ACIN1: variants seen among roughly 807,000 people sequenced by gnomAD.
The protein encoded by ACIN1 is apoptotic chromatin condensation inducer in the nucleus.
A neutral mutation model predicts 146.6 loss-of-function variants in ACIN1; 16 were observed. That is an observed-to-expected ratio of 0.11 (90% CI 0.07 to 0.17). The LOEUF (loss-of-function observed/expected upper bound fraction) is 0.17. Among genes scored for constraint, ACIN1 ranks in the 10% least tolerant of loss-of-function variants. The pLI, the probability that ACIN1 is intolerant of heterozygous loss-of-function variation, is 1.00. For synonymous variants in ACIN1, 569 were observed against 582.7 expected, an observed-to-expected ratio of 0.98 and a Z score of 0.34; for missense variants, 1,357 against 1,609.3, an observed-to-expected ratio of 0.84 and a Z score of 2.68.
intron 4 of ACIN1, among the ~76,000 whole-genome samples, chr14:23,085,240 C>A (rs2048059228): frequency 6.6e-6 from 1 of 152,056 alleles, no homozygotes; most frequent in Admixed American, 6.5e-5. Context: ...GATGCTGAGG[C>A]AGGAGAACGG....
Position 23,059,033 on chromosome 14 carries a change from A to G in ACIN1, c.*115T>C. On this transcript the variant is annotated 3_prime_UTR_variant, in exon 19 of 19. Coordinates refer to ENST00000605057, the MANE Select transcript of ACIN1 (RefSeq NM_001386863.1). ...TTTTCCATTTGGTATGTATGTAGGG[A>G]TAGGTGATGTGAAAGACCCTTGGCT... 1.1e-6 allele frequency: 1 copy of G among 941,226 alleles called. No homozygotes were observed. Among genetic ancestry groups the G allele is most frequent in the Non-Finnish European group, 1.6e-6 (1 of 610,886 alleles). The allele number at this position is 941,226 out of a possible 1,614,324, so 58.3% of individuals were successfully genotyped here.
intron 4 of ACIN1, among the ~76,000 whole-genome samples, chr14:23,085,242 G>GGA (rs2048059463): frequency 2.0e-5 from 3 of 152,166 alleles, no homozygotes; most frequent in Non-Finnish European, 2.9e-5. Flanking sequence ...TGCTGAGGCA[G>GGA]GAGAACGGCG....
At chr14:23,084,777 C>A (rs1187135352) in intron 4 of ACIN1, among the ~76,000 whole-genome samples, 2 of 152,052 alleles carry the variant, frequency 1.3e-5, no homozygotes, top group African/African-American at 4.8e-5. Context: ...TATGGTTGTT[C>A]ATACAGGATA....
chr14:23,071,560 C>T, intron 8 of ACIN1: 1 of 1,548,604 alleles, frequency 6.5e-7, no homozygotes, highest in Non-Finnish European at 8.7e-7. Context: ...AGCCATCTTG[C>T]CACTTACCCA....
In ACIN1 at chr14:23,068,897, T is replaced by G; in HGVS notation, c.2265+579A>C. On this transcript the variant is annotated intron_variant, in intron 9 of 18. Coordinates refer to ENST00000605057, the MANE Select transcript of ACIN1 (RefSeq NM_001386863.1). This position sits in a 1 kb window ranked among gnomAD's most constrained non-coding sequence, Gnocchi z 4.3. ...CTCTGATGGGGGAAGCCCCCTGAAG[T>G]GGGTGCAGGACACAAGATAACATAT... 1.0e-6 allele frequency: 1 copy of G among 985,346 alleles called. No individual in the cohort carries two copies. The highest frequency in any genetic ancestry group is 1.2e-6 in the Non-Finnish European group (1 of 829,930). 61.0% of individuals were successfully genotyped at this position (985,346 alleles called of 1,614,324 possible).
rs1014831235 is a variant in ACIN1, at chr14:23,061,003, T to G, written c.3525+81A>C. 12 of 1,348,600 alleles carry G rather than the reference T, an allele frequency of 8.9e-6. No individual in the cohort carries two copies. In the Admixed American group the frequency reaches 2.1e-4, roughly 23 times the overall value. 83.5% of individuals were successfully genotyped at this position (1,348,600 alleles called of 1,614,324 possible). A position where few individuals can be genotyped will look rare whatever the true frequency, so the allele number is the denominator to read the frequency against. ...AGGAAGTACTTGGGCCGACTCACTCTCGCAGTCACATGAATCTCCCCTCAC... is the reference window on the plus strand; with the variant it reads ...AGGAAGTACTTGGGCCGACTCACTCGCGCAGTCACATGAATCTCCCCTCAC... On this transcript the variant is annotated intron_variant, in intron 18 of 18. Transcript: ENST00000605057.
upstream of ACIN1, chr14:23,095,152 C>A (rs1438108185): frequency 7.4e-6 from 12 of 1,614,252 alleles, no homozygotes; most frequent in Non-Finnish European, 1.0e-5. Context: ...CGGCTTCGGG[C>A]ATCTTCGGTA....
chr14:23,078,163 A>G lies in ACIN1; in HGVS notation c.2111T>C (p.Ile704Thr). Residue 704 changes from isoleucine to threonine, a missense_variant, in exon 8 of 19, where the codon ATT becomes ACT. Ile to Thr is a moderately conservative substitution (Grantham distance 89). This residue lies in a region of ACIN1 where 771 missense variants were observed against 746.6 expected (regional missense o/e 1.03). Transcript: ENST00000605057. ...QTSHLPESER[I>T]HHTVEEKEEV... ...ATATATCACTTACACAGTGTGATGA[A>G]TTCTTTCTGATTCTGGCAGATGAGA... The G allele has an allele frequency of 6.2e-7, 1 of 1,614,142 alleles. No individual in the cohort carries two copies. The highest frequency in any genetic ancestry group is 8.5e-7 in the Non-Finnish European group (1 of 1,179,990).
chr14:23,078,360 C>A, intron 7 of ACIN1, 94 bp from the exon 8 acceptor site: 2 of 998,764 alleles, frequency 2.0e-6, no homozygotes, highest in Non-Finnish European at 3.1e-6. Flanking sequence ...CAGGGCAGGA[C>A]ATACACAGTA....
chr14:23,061,971 C>CAAAAAAAAAAAAAAAAAAA (rs57962360), intron 16 of ACIN1, among the ~76,000 whole-genome samples, 197 bp downstream of exon 16: 6 of 59,130 alleles, frequency 1.0e-4, no homozygotes, highest in African/African-American at 4.4e-4. Flanking sequence ...GACTCTGTCT[C>CAAAAAAAAAAAAAAAAAAA]AAAAAAAAAA....
At position 23,068,338 on chromosome 14, in the gene ACIN1, G is replaced by A. The variant is rs887294596; in HGVS notation, c.2265+1138C>T. ...AAAGGGCAAGGGCATGTGGGCAGGC[G>A]CCCCAGCACTGGCACAAGCTCTTCT... On this transcript the variant is annotated intron_variant, in intron 9 of 18. Transcript: ENST00000605057. This position sits in a 1 kb window ranked among gnomAD's most constrained non-coding sequence, Gnocchi z 4.3. The A allele has an allele frequency of 2.0e-5, 20 of 985,948 alleles. No individual in the cohort carries two copies. The South Asian group carries it at 2.8e-4, about 14-fold the overall frequency. The allele number at this position is 985,948 out of a possible 1,614,324, so 61.1% of individuals were successfully genotyped here. A position where few individuals can be genotyped will look rare whatever the true frequency, so the allele number is the denominator to read the frequency against.
chr14:23,088,229 T>G (rs2048136927), intron 4 of ACIN1, among the ~76,000 whole-genome samples: 1 of 152,134 alleles, frequency 6.6e-6, no homozygotes, highest in Non-Finnish European at 1.5e-5. Context: ...GGCTTTAAAA[T>G]CAAGGGGGAA....
chr14:23,069,648 G>GGGGGGGGC, intron 8 of ACIN1, 31 bp from the exon 9 acceptor site: 57 of 589,250 alleles, frequency 9.7e-5, no homozygotes, highest in Non-Finnish European at 1.6e-4. Flanking sequence ...TGGTGGGGGG[G>GGGGGGGGC]CGGGCAGAAA....
intron 8 of ACIN1, among the ~76,000 whole-genome samples, chr14:23,072,251 G>A (rs555622416): frequency 4.2e-4 from 64 of 152,310 alleles, no homozygotes; most frequent in Non-Finnish European, 8.5e-4. Flanking sequence ...TGTCTCTGAA[G>A]AGATGACAGA....
Position 23,080,468 on chromosome 14 carries a change from A to G in ACIN1, c.867T>C (p.Ala289=), listed in dbSNP as rs779730835. ...GGRFTRSQEE[A]RKSHLARQQQ... ...GCTGTCTGGCCAGATGACTTTTTCT[A>G]GCCTCTTCCTGGGATCTTGTAAATC... The change falls in exon 6 of 19, where the codon GCT becomes GCC. Residue 289 remains alanine, a synonymous_variant. Coordinates refer to ENST00000605057, the MANE Select transcript of ACIN1 (RefSeq NM_001386863.1). The G allele has an allele frequency of 4.3e-6, 7 of 1,613,788 alleles. No homozygotes were observed. In the African/African-American group the frequency reaches 5.3e-5, roughly 12 times the overall value.
intron 1 of ACIN1, 179 bp downstream of exon 1, chr14:23,094,796 C>T: frequency 2.1e-6 from 2 of 971,918 alleles, no homozygotes; most frequent in Non-Finnish European, 3.0e-6. Flanking sequence ...AGGCGGGAAC[C>T]GGCGCGATCT....
At chr14:23,086,096 G>A (rs1360127030) in intron 4 of ACIN1, among the ~76,000 whole-genome samples, 1 of 152,166 alleles carries the variant, frequency 6.6e-6, no homozygotes, top group Non-Finnish European at 1.5e-5. Context: ...GTGGCTAAAA[G>A]GTAACCTTAG....
At chr14:23,088,114 T>C (rs2048133392) in intron 4 of ACIN1, among the ~76,000 whole-genome samples, 1 of 152,198 alleles carries the variant, frequency 6.6e-6, no homozygotes, top group African/African-American at 2.4e-5. Flanking sequence ...TAACTCCCAA[T>C]ATACTCTCAC....
At chr14:23,070,020 G>C (rs2047581408) in intron 8 of ACIN1, among the ~76,000 whole-genome samples, 2 of 152,050 alleles carry the variant, frequency 1.3e-5, no homozygotes, top group African/African-American at 2.4e-5. Context: ...CTGGCCAAAG[G>C]CACCTTTATA....
Sources: allele counts gnomAD v4.1 joint callset (sites outside exome capture counted in the v4.1 genomes callset), GRCh38; gene constraint gnomAD v4.1.1; regional missense constraint gnomAD v4.1.1; non-coding constraint Gnocchi (gnomAD v3.1); transcripts MANE v1.5; gene names NCBI Gene and HGNC (gene_info 2026-07-23, HGNC 2026-07-21).